The following XPR1 variants were observed in gnomAD, a reference collection of about 807,000 sequenced individuals.
XPR1 encodes solute carrier family 53 member 1.
Under a neutral mutation model 87.5 loss-of-function variants are expected in XPR1, and 28 were observed. The ratio of observed to expected loss-of-function variants is 0.32; its 90% CI spans 0.24 to 0.44. The LOEUF is 0.44. Ranked by LOEUF, XPR1 falls within the 20% of genes least tolerant of loss-of-function variation. The pLI is 1.00. For synonymous variants in XPR1, 300 were observed against 306.1 expected (o/e 0.98, Z 0.21); for missense variants, 559 against 862.3 (o/e 0.65, Z 4.41).
intron 2 of XPR1, among the ~76,000 whole-genome samples, chr1:180,764,631 G>A (rs751865766): frequency 2.6e-5 from 4 of 151,364 alleles, no homozygotes; most frequent in Non-Finnish European, 5.9e-5. Context: ...TACCATGCCT[G>A]GCTAATGTTT....
chr1:180,828,792 A>C (rs868852167), intron 9 of XPR1, among the ~76,000 whole-genome samples: 1 of 152,212 alleles, frequency 6.6e-6, no homozygotes, highest in Non-Finnish European at 1.5e-5. Flanking sequence ...GAACCCAGGC[A>C]GTCGTTTATA....
chr1:180,640,580 A>G (rs1654931879), intron 1 of XPR1, among the ~76,000 whole-genome samples: 1 of 152,238 alleles, frequency 6.6e-6, no homozygotes, highest in South Asian at 2.1e-4. Flanking sequence ...TGACCTTTCT[A>G]CAGCCCAGTG....
At position 180,836,701 on chromosome 1, in the gene XPR1, T is replaced by C; in HGVS notation, c.1486T>C (p.Tyr496His). ...TFFMVTFAAL[Y>H]STHKERGHSD... ...CTTCATGGTGACGTTTGCAGCCCTT[T>C]ACAGCACTCACAAAGGTATTCTGTG... Residue 496 changes from tyrosine (Y) to histidine (H), a missense_variant, in exon 11 of 15, where the codon TAC (tyrosine) becomes CAC (histidine). Tyr to His is a moderately conservative substitution (Grantham distance 83). Around this residue, in one of 7 missense-constraint regions of XPR1, gnomAD observed 264 missense variants for 377.2 expected, o/e 0.70. Coordinates refer to ENST00000367590, the MANE Select transcript of XPR1 (RefSeq NM_004736.4). The C allele has an allele frequency of 6.2e-7, 1 of 1,614,004 alleles. No individual in the cohort carries two copies. Among genetic ancestry groups the C allele is most frequent in the Non-Finnish European group, 8.5e-7 (1 of 1,180,036 alleles).
At chr1:180,804,311 A>T (rs924096715) in intron 4 of XPR1, among the ~76,000 whole-genome samples, 1 of 152,212 alleles carries the variant, frequency 6.6e-6, no homozygotes, top group Non-Finnish European at 1.5e-5. Flanking sequence ...ACCAATAGCA[A>T]AATTTCTACA....
At chr1:180,667,149 A>G (rs975792945) in intron 1 of XPR1, among the ~76,000 whole-genome samples, 6 of 152,206 alleles carry the variant, frequency 3.9e-5, no homozygotes, top group Admixed American at 6.5e-5. Context: ...TCCTGAACTC[A>G]AGCGATCTGC....
chr1:180,732,365 G>A (rs1658585637), intron 2 of XPR1, among the ~76,000 whole-genome samples: 1 of 151,942 alleles, frequency 6.6e-6, no homozygotes, highest in Non-Finnish European at 1.5e-5. Flanking sequence ...GTAACTCCTA[G>A]TAAGATTTTT....
chr1:180,741,365 C>G (rs1456001953), intron 2 of XPR1, among the ~76,000 whole-genome samples: 1 of 152,068 alleles, frequency 6.6e-6, no homozygotes, highest in Non-Finnish European at 1.5e-5. Context: ...GGGGTTTCAC[C>G]ATGTTGGCCA....
chr1:180,889,467 C>G lies in XPR1; in HGVS notation c.*5401C>G, dbSNP rs1653117243. On this transcript the variant is annotated 3_prime_UTR_variant, in exon 15 of 15. Transcript: ENST00000367590. ...TTCTAAGAAAGAGCCAGGCTTCCATCTCACTATCCCTTGATCATTATCTCT... is the reference window on the plus strand; with the variant it reads ...TTCTAAGAAAGAGCCAGGCTTCCATGTCACTATCCCTTGATCATTATCTCT... 6.6e-6 allele frequency: 1 copy of G among 152,252 alleles called. No homozygotes were observed. The highest frequency in any genetic ancestry group is 2.4e-5 in the African/African-American group (1 of 41,464). 9.4% of individuals were successfully genotyped at this position (152,252 alleles called of 1,614,324 possible).
chr1:180,692,388 A>C (rs1304209614), intron 2 of XPR1, among the ~76,000 whole-genome samples: 1 of 152,130 alleles, frequency 6.6e-6, no homozygotes, highest in Non-Finnish European at 1.5e-5. Flanking sequence ...GACAATAGCA[A>C]GCCAACAAAA....
At chr1:180,802,500 A>G (rs1280692475) in intron 3 of XPR1, among the ~76,000 whole-genome samples, 4 of 152,224 alleles carry the variant, frequency 2.6e-5, no homozygotes, top group African/African-American at 7.2e-5. Context: ...CTGTATAACC[A>G]GAAACATTTC....
chr1:180,678,461 G>C (rs1391417784), intron 1 of XPR1, among the ~76,000 whole-genome samples: 2 of 152,086 alleles, frequency 1.3e-5, no homozygotes, highest in Non-Finnish European at 2.9e-5. Context: ...TCTATGCCGG[G>C]TACTGGACAC....
chr1:180,707,562 C>G (rs919417542), intron 2 of XPR1, among the ~76,000 whole-genome samples: 25 of 152,150 alleles, frequency 1.6e-4, no homozygotes, highest in African/African-American at 6.0e-4. Flanking sequence ...CTGAATAGGG[C>G]TGTGGAATAT....
At chr1:180,780,259 T>C (rs1648884073) in intron 2 of XPR1, among the ~76,000 whole-genome samples, 1 of 152,220 alleles carries the variant, frequency 6.6e-6, no homozygotes, top group Admixed American at 6.5e-5. Flanking sequence ...AGTGGCTACA[T>C]CATTTAACAT....
intron 13 of XPR1, among the ~76,000 whole-genome samples, chr1:180,876,185 GATATAT>G (rs1652657213): frequency 6.6e-6 from 1 of 152,132 alleles, no homozygotes; most frequent in Non-Finnish European, 1.5e-5. Flanking sequence ...GCATAACTTT[GATATAT>G]AAGCCTACAA....
intron 2 of XPR1, among the ~76,000 whole-genome samples, chr1:180,770,948 G>C (rs974540680): frequency 2.6e-5 from 4 of 152,118 alleles, no homozygotes; most frequent in African/African-American, 7.2e-5. Flanking sequence ...GTGTTTCAGA[G>C]ACTTTCTGGA....
At chr1:180,751,856 A>T (rs557460913) in intron 2 of XPR1, among the ~76,000 whole-genome samples, 1 of 152,142 alleles carries the variant, frequency 6.6e-6, no homozygotes, top group Admixed American at 6.5e-5. Flanking sequence ...AATTTTAAGT[A>T]TGTAAAGGGA....
chr1:180,665,547 G>A (rs889720286), intron 1 of XPR1, among the ~76,000 whole-genome samples: 1 of 152,188 alleles, frequency 6.6e-6, no homozygotes, highest in Non-Finnish European at 1.5e-5. Flanking sequence ...TCAAGTTCCT[G>A]CTACTAGGAT....
At chr1:180,692,171 C>T (rs1037863317) in intron 2 of XPR1, among the ~76,000 whole-genome samples, 3 of 152,044 alleles carry the variant, frequency 2.0e-5, no homozygotes, top group Non-Finnish European at 4.4e-5. Flanking sequence ...TTTCTAAGTT[C>T]CATTTTTCTG....
At chr1:180,658,771 G>A (rs914372028) in intron 1 of XPR1, among the ~76,000 whole-genome samples, 13 of 149,728 alleles carry the variant, frequency 8.7e-5, no homozygotes, top group African/African-American at 2.2e-4. Context: ...GGGTTTCATC[G>A]TGTTAGGCAG....
Sources: allele counts gnomAD v4.1 joint callset (sites outside exome capture counted in the v4.1 genomes callset), GRCh38; gene constraint gnomAD v4.1.1; regional missense constraint gnomAD v4.1.1; transcripts MANE v1.5; gene names NCBI Gene and HGNC (gene_info 2026-07-23, HGNC 2026-07-21).